STON2: variants seen among roughly 807,000 people sequenced by gnomAD.
The protein encoded by STON2 is stonin 2, also known as stonin-2.
Under a neutral mutation model 65.7 loss-of-function variants are expected in STON2, and 29 were observed. The ratio of observed to expected loss-of-function variants is 0.44; its 90% CI spans 0.33 to 0.60. STON2 has a LOEUF of 0.60. Ranked by LOEUF, STON2 falls within the 20% of genes least tolerant of loss-of-function variation. STON2 has a pLI of 0.03. For synonymous variants in STON2, 404 were observed against 414.2 expected (o/e 0.98, Z 0.30); for missense variants, 1,054 against 1,118.1 (o/e 0.94, Z 0.82).
At chr14:81,365,394 G>A (rs1898674927) in intron 4 of STON2, among the ~76,000 whole-genome samples, 2 of 152,146 alleles carry the variant, frequency 1.3e-5, no homozygotes, top group South Asian at 4.1e-4. Context: ...ATCCAGTCTT[G>A]ACATCCTCAG....
Position 81,262,597 on chromosome 14 carries a change from T to C in STON2, c.*5817A>G. On this transcript the variant is annotated 3_prime_UTR_variant, in exon 8 of 8. Coordinates refer to ENST00000614646, the MANE Select transcript of STON2 (RefSeq NM_001394390.1). ...TTTTTAGTCTATTCTCTTGTAGCTT[T>C]TGTTACATCCAATGATCATTTGCCT... is the stretch of plus-strand genomic sequence containing the variant. 1.0e-6 allele frequency: 1 copy of C among 985,450 alleles called. No homozygotes were observed. Among genetic ancestry groups the C allele is most frequent in the Non-Finnish European group, 1.2e-6 (1 of 829,902 alleles). The allele number at this position is 985,450 out of a possible 1,614,324, so 61.0% of individuals were successfully genotyped here. A position where few individuals can be genotyped will look rare whatever the true frequency, so the allele number is the denominator to read the frequency against.
chr14:81,382,263 C>CA (rs1899560997), intron 3 of STON2, among the ~76,000 whole-genome samples: 1 of 151,876 alleles, frequency 6.6e-6, no homozygotes, highest in Non-Finnish European at 1.5e-5. Context: ...AAATGTCCAT[C>CA]AAAAACAGAA....
chr14:81,430,077 T>C (rs1435121201), intron 1 of STON2, among the ~76,000 whole-genome samples: 2 of 152,136 alleles, frequency 1.3e-5, no homozygotes, highest in Non-Finnish European at 2.9e-5. Context: ...CTTAGACCCA[T>C]TCCTTCCCTA....
At chr14:81,285,918 C>T (rs1472910922) in intron 5 of STON2, among the ~76,000 whole-genome samples, 1 of 152,244 alleles carries the variant, frequency 6.6e-6, no homozygotes, top group East Asian at 1.9e-4. Flanking sequence ...GAGGCCAAGG[C>T]GGGTGGATCA....
intron 2 of STON2, among the ~76,000 whole-genome samples, chr14:81,414,150 C>T (rs1048613912): frequency 1.5e-5 from 2 of 133,312 alleles, no homozygotes; most frequent in African/African-American, 3.2e-5. Flanking sequence ...TCCCACTGAC[C>T]GGGATACAGA....
At chr14:81,351,178 C>CTTT (rs370421507) in intron 4 of STON2, among the ~76,000 whole-genome samples, 3,992 of 127,890 alleles carry the variant, frequency 0.031, 129 homozygotes, top group South Asian at 0.078. Flanking sequence ...GTAAGCTCTT[C>CTTT]TTTTTTTTTT....
chr14:81,387,949 C>CTTTTTT (rs369887955), intron 3 of STON2, among the ~76,000 whole-genome samples: 23 of 102,790 alleles, frequency 2.2e-4, no homozygotes, highest in African/African-American at 4.3e-4. Context: ...TATTTCTTTT[C>CTTTTTT]TTTTTTTTTT....
intron 5 of STON2, among the ~76,000 whole-genome samples, chr14:81,280,507 T>C (rs1236892605): frequency 1.3e-5 from 2 of 152,292 alleles, no homozygotes; most frequent in African/African-American, 2.4e-5. Flanking sequence ...GCCAGTTGTT[T>C]GGAATCAAAG....
intron 4 of STON2, among the ~76,000 whole-genome samples, chr14:81,342,184 G>C (rs998887736): frequency 6.6e-6 from 1 of 151,378 alleles, no homozygotes; most frequent in East Asian, 1.9e-4. Flanking sequence ...CTTGTTGCCC[G>C]GGTGCCATGG....
At chr14:81,347,365 T>C (rs1003203530) in intron 4 of STON2, among the ~76,000 whole-genome samples, 4 of 151,826 alleles carry the variant, frequency 2.6e-5, no homozygotes, top group Non-Finnish European at 4.4e-5. Context: ...AACCTACCAA[T>C]AGTGAACAAG....
upstream of STON2, among the ~76,000 whole-genome samples, chr14:81,402,986 T>C (rs1427795814): frequency 1.3e-5 from 2 of 152,212 alleles, no homozygotes; most frequent in African/African-American, 4.8e-5. Context: ...GCATTGAGCA[T>C]AGTGCCTGGC....
intron 5 of STON2, among the ~76,000 whole-genome samples, chr14:81,296,282 G>A (rs1374249158): frequency 1.3e-5 from 2 of 152,104 alleles, no homozygotes; most frequent in African/African-American, 4.8e-5. Context: ...AAAATGTGGT[G>A]CTAGATAGAG....
At chr14:81,380,091 T>C (rs1310160557) in intron 3 of STON2, among the ~76,000 whole-genome samples, 1 of 152,174 alleles carries the variant, frequency 6.6e-6, no homozygotes, top group African/African-American at 2.4e-5. Flanking sequence ...TTGCAAACTA[T>C]GCATCTGACA....
intron 4 of STON2, among the ~76,000 whole-genome samples, chr14:81,330,523 A>T (rs1252723028): frequency 2.0e-5 from 3 of 152,160 alleles, no homozygotes; most frequent in Non-Finnish European, 2.9e-5. Flanking sequence ...TTTTAAAAAG[A>T]AGTGGGAAAA....
At chr14:81,273,136 C>T (rs138250761) in intron 6 of STON2, among the ~76,000 whole-genome samples, 5 of 152,336 alleles carry the variant, frequency 3.3e-5, no homozygotes, top group African/African-American at 4.8e-5. Flanking sequence ...TTCCTTTCTA[C>T]ACAACTGATT....
chr14:81,425,786 G>A (rs759252536), intron 2 of STON2, among the ~76,000 whole-genome samples: 1 of 152,096 alleles, frequency 6.6e-6, no homozygotes, highest in Non-Finnish European at 1.5e-5. Flanking sequence ...CACATATAGA[G>A]GCCAGATCTG....
intron 5 of STON2, among the ~76,000 whole-genome samples, chr14:81,321,539 CCT>C (rs1896822195): frequency 6.6e-6 from 1 of 152,060 alleles, no homozygotes. Flanking sequence ...CAGTTAGATG[CCT>C]CTTTAAATAT....
intron 5 of STON2, among the ~76,000 whole-genome samples, chr14:81,314,169 T>C (rs142024468): frequency 6.6e-6 from 1 of 152,366 alleles, no homozygotes; most frequent in East Asian, 1.9e-4. Flanking sequence ...ATTTTACATA[T>C]AGTGAAATTA....
intron 6 of STON2, among the ~76,000 whole-genome samples, chr14:81,275,482 T>C (rs2140113004): frequency 6.6e-6 from 1 of 152,180 alleles, no homozygotes; most frequent in South Asian, 2.1e-4. Context: ...GGCTTCCGTG[T>C]CAAAGGAGAG....
Sources: gnomAD v4.1 joint callset for allele counts (sites outside exome capture counted in the v4.1 genomes callset) on GRCh38, gnomAD v4.1.1 for gene constraint, MANE v1.5 for transcripts, NCBI Gene and HGNC (gene_info 2026-07-23, HGNC 2026-07-21) for gene names.